FBN2: variants seen among roughly 807,000 people sequenced by gnomAD.
FBN2 encodes the protein fibrillin 2.
A neutral mutation model predicts 355.6 loss-of-function variants in FBN2; 105 were observed. That is an observed-to-expected ratio of 0.30 (90% CI 0.25 to 0.35). FBN2 has a LOEUF of 0.35. Ranked by LOEUF, FBN2 falls within the 10% of genes least tolerant of loss-of-function variation. The pLI, the probability that FBN2 is intolerant of heterozygous loss-of-function variation, is 1.00. For synonymous variants in FBN2, 1,350 were observed against 1,301.2 expected, an observed-to-expected ratio of 1.04 and a Z score of -0.81; for missense variants, 3,280 against 3,758.7, an observed-to-expected ratio of 0.87 and a Z score of 3.33.
At chr5:128,338,888 G>T in intron 26 of FBN2, 45 bp downstream of exon 26, 1 of 1,607,190 alleles carries the variant, frequency 6.2e-7, no homozygotes, top group Non-Finnish European at 8.5e-7. Flanking sequence ...ATGAGTCTGT[G>T]CTAGTATGGT....
intron 5 of FBN2, among the ~76,000 whole-genome samples, chr5:128,506,668 T>G (rs1755970561): frequency 6.6e-6 from 1 of 152,110 alleles, no homozygotes; most frequent in South Asian, 2.1e-4. Context: ...TTGCCATTGC[T>G]AGGACCAAAC....
rs187000371 is a variant in FBN2 at position 128,363,819 on chromosome 5, T to C, written c.2428+781A>G. ...TCTATTATAGCACGTAATATAAATA[T>C]AGCTTTTACATCCATCTGTATGTAT... On this transcript the variant is annotated intron_variant, in intron 18 of 64. Coordinates refer to ENST00000262464, the MANE Select transcript of FBN2 (RefSeq NM_001999.4). 3.3e-3 allele frequency among the ~76,000 whole-genome samples: 498 copies of C among 152,340 alleles called. 12 individuals carry two copies. The highest frequency in any genetic ancestry group is 1.5e-3 in the Non-Finnish European group (100 of 68,020).
At chr5:128,434,877 A>T (rs1279866363) in intron 7 of FBN2, among the ~76,000 whole-genome samples, 1 of 152,162 alleles carries the variant, frequency 6.6e-6, no homozygotes, top group Non-Finnish European at 1.5e-5. Context: ...CATTCAGGGT[A>T]GAATAGGTTT....
In FBN2 at chr5:128,334,760, T is replaced by C; in HGVS notation, c.4058A>G (p.Gln1353Arg). The change falls in exon 31 of 65, where the codon CAG becomes CGG. Residue 1353 changes from glutamine (Q) to arginine (R), a missense_variant. This residue lies in a region of FBN2 where 2,284 missense variants were observed against 2,749.5 expected (regional missense o/e 0.83). Transcript: ENST00000262464. ...NTKGSFICHC[Q>R]LGYSVKKGTT... is the part of the protein sequence containing the mutation. ...CCCCTTCTTCACTGAGTAACCCAGC[T>C]GACAGTGGCAAATGAAGGATCCCTT... is the stretch of plus-strand genomic sequence containing the variant. The C allele has an allele frequency of 6.2e-7, 1 of 1,614,068 alleles. No homozygotes were observed. Among genetic ancestry groups the C allele is most frequent in the Non-Finnish European group, 8.5e-7 (1 of 1,179,894 alleles).
chr5:128,480,785 A>G (rs565214653), intron 5 of FBN2, among the ~76,000 whole-genome samples: 2 of 152,196 alleles, frequency 1.3e-5, no homozygotes, highest in Non-Finnish European at 2.9e-5. Flanking sequence ...TGTGGCCATT[A>G]ATAAACTAAC....
intron 5 of FBN2, among the ~76,000 whole-genome samples, chr5:128,514,489 A>G (rs567033965): frequency 7.2e-5 from 11 of 152,168 alleles, no homozygotes; most frequent in Non-Finnish European, 1.5e-4. Context: ...TAAGAAGTAT[A>G]TATTGGTTTT....
chr5:128,453,591 T>C (rs139830990), intron 6 of FBN2, among the ~76,000 whole-genome samples: 304 of 152,370 alleles, frequency 2.0e-3, no homozygotes, highest in Non-Finnish European at 3.2e-3. Flanking sequence ...GTAGTAATTC[T>C]TTGAAGCATG....
intron 5 of FBN2, among the ~76,000 whole-genome samples, chr5:128,500,796 A>T (rs1377255269): frequency 6.6e-6 from 1 of 152,120 alleles, no homozygotes; most frequent in Non-Finnish European, 1.5e-5. Flanking sequence ...CTTATGGATA[A>T]ATTAGTTAAA....
intron 9 of FBN2, among the ~76,000 whole-genome samples, chr5:128,394,807 A>G (rs1339352518): frequency 6.6e-6 from 1 of 152,142 alleles, no homozygotes; most frequent in Non-Finnish European, 1.5e-5. Flanking sequence ...TATTTTTGAG[A>G]CAGGGTCTCG....
chr5:128,369,353 C>A lies in FBN2; in HGVS notation c.2096-19G>T. 1 of 1,613,674 alleles carries A rather than the reference C, an allele frequency of 6.2e-7. No individual in the cohort carries two copies. The highest frequency in any genetic ancestry group is 8.5e-7 in the Non-Finnish European group (1 of 1,179,792). The stretch of plus-strand genomic sequence containing the variant: ...TGAGTATCTAAAGGAGATACAAAAA[C>A]AATGACTTGAGGCAGTGATAGAGAC... On this transcript the variant is annotated intron_variant, in intron 15 of 64. Transcript: ENST00000262464.
chr5:128,351,857 C>T (rs764264922), intron 20 of FBN2, among the ~76,000 whole-genome samples: 22 of 150,710 alleles, frequency 1.5e-4, no homozygotes, highest in Non-Finnish European at 2.8e-4. Context: ...TGAGCCAGTG[C>T]GCCCCGCCCT....
chr5:128,286,065 C>T (rs902285002), intron 55 of FBN2, among the ~76,000 whole-genome samples: 4 of 152,142 alleles, frequency 2.6e-5, no homozygotes, highest in Non-Finnish European at 4.4e-5. Context: ...ACACATATGA[C>T]TTAGGAGTTT....
intron 48 of FBN2, among the ~76,000 whole-genome samples, chr5:128,298,925 G>A (rs1043095008): frequency 6.6e-6 from 1 of 152,172 alleles, no homozygotes; most frequent in African/African-American, 2.4e-5. Flanking sequence ...GCTTTTTAGA[G>A]TTTCTAGTTT....
At chr5:128,329,406 A>G (rs745647564) in intron 33 of FBN2, among the ~76,000 whole-genome samples, 11 of 152,064 alleles carry the variant, frequency 7.2e-5, no homozygotes, top group Non-Finnish European at 1.0e-4. Context: ...GGAAGGAAAA[A>G]TCACTGTTTA....
At chr5:128,339,528 T>G (rs1325341299) in intron 25 of FBN2, among the ~76,000 whole-genome samples, 1 of 151,892 alleles carries the variant, frequency 6.6e-6, no homozygotes, top group Non-Finnish European at 1.5e-5. Context: ...GGAGTTACGA[T>G]GTATGATGGC....
At chr5:128,496,918 T>C (rs796591951) in intron 5 of FBN2, among the ~76,000 whole-genome samples, 2 of 151,882 alleles carry the variant, frequency 1.3e-5, no homozygotes, top group African/African-American at 4.8e-5. Flanking sequence ...AATAAATGTT[T>C]CAAAAATAAA....
chr5:128,470,442 GT>G (rs1673352518), intron 5 of FBN2, among the ~76,000 whole-genome samples: 1 of 152,128 alleles, frequency 6.6e-6, no homozygotes. Flanking sequence ...CTGGTAGGGG[GT>G]TTGGGGTTAA....
intron 7 of FBN2, among the ~76,000 whole-genome samples, chr5:128,429,237 A>G (rs936943171): frequency 6.6e-6 from 1 of 152,112 alleles, no homozygotes; most frequent in African/African-American, 2.4e-5. Flanking sequence ...CAATCTCCTT[A>G]AGGATTCTCT....
At chr5:128,323,052 T>G (rs1750430251) in intron 34 of FBN2, among the ~76,000 whole-genome samples, 1 of 152,218 alleles carries the variant, frequency 6.6e-6, no homozygotes, top group Non-Finnish European at 1.5e-5. Flanking sequence ...GGGAGTTCAC[T>G]CATGATTTGG....
Sources: allele counts gnomAD v4.1 joint callset (sites outside exome capture counted in the v4.1 genomes callset), GRCh38; gene constraint gnomAD v4.1.1; regional missense constraint gnomAD v4.1.1; transcripts MANE v1.5; gene names NCBI Gene and HGNC (gene_info 2026-07-23, HGNC 2026-07-21).